Variants in JMJD1C observed in about 807,000 individuals in gnomAD.
The protein encoded by JMJD1C is jumonji domain-containing protein 1C.
Under a neutral mutation model 245.3 loss-of-function variants are expected in JMJD1C, and 31 were observed. That is an observed-to-expected ratio of 0.13 (90% CI 0.09 to 0.17). JMJD1C has a LOEUF of 0.17. Ranked by LOEUF, JMJD1C falls within the 10% of genes least tolerant of loss-of-function variation. The pLI is 1.00. For missense variants in JMJD1C, 2,691 were observed against 3,000.2 expected (o/e 0.90, Z 2.41); for synonymous variants, 1,057 against 1,017.4 (o/e 1.04, Z -0.74).
chr10:63,235,691 C>A (rs1850651496), intron 3 of JMJD1C, among the ~76,000 whole-genome samples: 1 of 152,156 alleles, frequency 6.6e-6, no homozygotes, highest in Admixed American at 6.5e-5. Context: ...CCTAACAATA[C>A]CTCTGCTATT....
At chr10:63,256,346 A>G (rs1191217829) in intron 3 of JMJD1C, among the ~76,000 whole-genome samples, 3 of 152,180 alleles carry the variant, frequency 2.0e-5, no homozygotes, top group Non-Finnish European at 1.5e-5. Context: ...CTTAATAAGC[A>G]TGTTTCATTA....
intron 2 of JMJD1C, among the ~76,000 whole-genome samples, chr10:63,363,027 A>C (rs9629895): frequency 0.66 from 100,876 of 151,708 alleles, 36,131 homozygotes; most frequent in Non-Finnish European, 0.81. Flanking sequence ...GGGGGACGTA[A>C]CTGGTTGACA....
chr10:63,480,630 TA>T (rs35372705), intron 1 of JMJD1C, among the ~76,000 whole-genome samples: 138,197 of 144,468 alleles, frequency 0.96, 66,105 homozygotes, highest in South Asian at 0.99. Flanking sequence ...AGTACTATTG[TA>T]AAAAAAAAAA....
intron 1 of JMJD1C, chr10:63,465,164 G>T: frequency 3.2e-6 from 1 of 317,140 alleles, no homozygotes; most frequent in South Asian, 6.9e-5. Flanking sequence ...GCGCGGCGCC[G>T]GACTCGCGGC....
chr10:63,223,257 G>GTC, intron 3 of JMJD1C, among the ~76,000 whole-genome samples: 1 of 134,190 alleles, frequency 7.5e-6, no homozygotes, highest in South Asian at 2.3e-4. Context: ...CTGAGACACA[G>GTC]TCTCACTCTC....
upstream of JMJD1C, among the ~76,000 whole-genome samples, chr10:63,467,674 G>A (rs1446050549): frequency 6.6e-6 from 1 of 152,200 alleles, no homozygotes; most frequent in African/African-American, 2.4e-5. Context: ...ATTATCTTAA[G>A]AATTACAGAT....
chr10:63,220,025 C>T (rs1414156705), intron 3 of JMJD1C, 42 bp from the exon 4 acceptor site: 3 of 1,429,048 alleles, frequency 2.1e-6, no homozygotes, highest in Non-Finnish European at 2.9e-6. Context: ...TTACGCTCTC[C>T]TACCATTAAT....
chr10:63,183,520 A>T lies in JMJD1C; in HGVS notation c.7011T>A (p.Ile2337=), dbSNP rs747351059. The T allele has an allele frequency of 6.2e-7, 1 of 1,607,032 alleles. No homozygotes were observed. The highest frequency in any genetic ancestry group is 2.2e-5 in the East Asian group (1 of 44,648). Residue 2337 remains isoleucine (I), a synonymous_variant, in exon 22 of 26, where the codon ATT becomes ATA. Coordinates refer to ENST00000399262, the MANE Select transcript of JMJD1C (RefSeq NM_032776.3). The part of the protein sequence containing the change: ...DHDIGTTNLH[I]EVSDVVNILV... ...GTATATTTACAACATCAGAAACTTC[A>T]ATATGGAGATTTGTTGTTCCTATAT...
chr10:63,333,674 T>C (rs1396828525), intron 2 of JMJD1C, among the ~76,000 whole-genome samples: 1 of 152,364 alleles, frequency 6.6e-6, no homozygotes, highest in South Asian at 2.1e-4. Flanking sequence ...AATTTAATTG[T>C]AATCTACATG....
At chr10:63,509,000 T>C (rs759575490) in intron 1 of JMJD1C, among the ~76,000 whole-genome samples, 18 of 152,252 alleles carry the variant, frequency 1.2e-4, no homozygotes, top group Non-Finnish European at 2.5e-4. Context: ...ATTCTTGCCT[T>C]GTGCTTAATC....
intron 1 of JMJD1C, among the ~76,000 whole-genome samples, chr10:63,441,079 G>A (rs915783692): frequency 1.3e-5 from 2 of 152,152 alleles, no homozygotes; most frequent in African/African-American, 2.4e-5. Flanking sequence ...TAGGTGTAAA[G>A]GCAAAGGGAT....
chr10:63,381,405 C>G (rs138457427), intron 1 of JMJD1C, among the ~76,000 whole-genome samples: 1 of 152,182 alleles, frequency 6.6e-6, no homozygotes, highest in East Asian at 1.9e-4. Flanking sequence ...CCCAGCTACT[C>G]AGGAAGCTAA....
At chr10:63,451,222 A>C (rs977877157) in intron 1 of JMJD1C, among the ~76,000 whole-genome samples, 2 of 152,224 alleles carry the variant, frequency 1.3e-5, no homozygotes, top group African/African-American at 4.8e-5. Flanking sequence ...CTACAGATTC[A>C]ATACATACAA....
At chr10:63,305,861 T>C (rs1208549019) in intron 2 of JMJD1C, among the ~76,000 whole-genome samples, 1 of 151,990 alleles carries the variant, frequency 6.6e-6, no homozygotes, top group African/African-American at 2.4e-5. Context: ...GCCTTCTGAG[T>C]AGCTGGGACT....
chr10:63,247,839 T>TAAAAC (rs143095650), intron 3 of JMJD1C, among the ~76,000 whole-genome samples: 99 of 150,610 alleles, frequency 6.6e-4, no homozygotes, highest in Middle Eastern at 6.9e-3. Flanking sequence ...CTCAAATGCA[T>TAAAAC]AAAACAAAAC....
intron 1 of JMJD1C, among the ~76,000 whole-genome samples, chr10:63,512,932 T>A (rs1314342205): frequency 2.0e-5 from 3 of 152,200 alleles, no homozygotes; most frequent in African/African-American, 7.2e-5. Flanking sequence ...TTTTGTAATA[T>A]CCTCAAGCTC....
chr10:63,465,750 A>C lies in JMJD1C; in HGVS notation c.-88T>G. ...CCTACCGGCCGCTCATGCTGAGGAG[A>C]GCGGACCGGGACACAGCAGCGGACC... On this transcript the variant is annotated 5_prime_UTR_variant, in exon 1 of 26. Coordinates refer to ENST00000399262, the MANE Select transcript of JMJD1C (RefSeq NM_032776.3). 6.1e-6 allele frequency: 9 copies of C among 1,480,496 alleles called. No homozygotes were observed. Among genetic ancestry groups the C allele is most frequent in the Non-Finnish European group, 8.3e-6 (9 of 1,080,312 alleles). 91.7% of individuals were successfully genotyped at this position (1,480,496 alleles called of 1,614,324 possible).
intron 1 of JMJD1C, among the ~76,000 whole-genome samples, chr10:63,423,650 T>C (rs540161273): frequency 6.6e-6 from 1 of 152,330 alleles, no homozygotes; most frequent in African/African-American, 2.4e-5. Flanking sequence ...TTCTTTTGGA[T>C]AAATATGTAG....
chr10:63,309,119 T>C (rs556856814), intron 2 of JMJD1C, among the ~76,000 whole-genome samples: 1 of 152,176 alleles, frequency 6.6e-6, no homozygotes, highest in Non-Finnish European at 1.5e-5. Flanking sequence ...TCAAGCACCA[T>C]ATCTCAAGAA....
Sources: allele counts gnomAD v4.1 joint callset (sites outside exome capture counted in the v4.1 genomes callset), GRCh38; gene constraint gnomAD v4.1.1; transcripts MANE v1.5; gene names NCBI Gene and HGNC (gene_info 2026-07-23, HGNC 2026-07-21).